Variants in A2M observed in about 807,000 individuals in gnomAD.
A2M encodes the protein alpha-2-macroglobulin.
In A2M, 128 loss-of-function variants were observed where a neutral mutation model predicts 183.9. The ratio of observed to expected loss-of-function variants is 0.70; its 90% CI spans 0.60 to 0.81. A2M has a LOEUF of 0.81. Ranked by LOEUF, A2M falls within the 30% of genes least tolerant of loss-of-function variation. The pLI, the probability that A2M is intolerant of heterozygous loss-of-function variation, is 0.00. For synonymous variants in A2M, 592 were observed against 670.8 expected (o/e 0.88, Z 1.81); for missense variants, 1,495 against 1,787.6 (o/e 0.84, Z 2.95).
chr12:9,080,687 A>T (rs1332560264), intron 22 of A2M, among the ~76,000 whole-genome samples: 3 of 152,244 alleles, frequency 2.0e-5, no homozygotes, highest in African/African-American at 7.2e-5. Context: ...AACCTAGAAA[A>T]TTGAGGGTAA....
At position 9,091,357 on chromosome 12, in the gene A2M, G is replaced by A. The variant is rs766378303; in HGVS notation, c.2313C>T (p.Cys771=). Residue 771 remains cysteine, a synonymous_variant, in exon 19 of 36, where the codon TGC becomes TGT. Transcript: ENST00000318602. ...TITEWKAGAF[C]LSEDAGLGIS... ...TACCAAGTCCAGCATCTTCAGACAG[G>A]CAGAAGGCCCCTGCCTTCCACTCGG... The A allele has an allele frequency of 4.3e-6, 7 of 1,614,202 alleles. No individual in the cohort carries two copies. The highest frequency in any genetic ancestry group is 5.9e-6 in the Non-Finnish European group (7 of 1,180,038).
chr12:9,110,923 G>A (rs896761453), intron 4 of A2M, among the ~76,000 whole-genome samples: 1 of 152,030 alleles, frequency 6.6e-6, no homozygotes, highest in Admixed American at 6.5e-5. Flanking sequence ...CATGTCTTAA[G>A]TGCTTATAGC....
chr12:9,115,982 C>T (rs1939093011), upstream of A2M: 1 of 747,302 alleles, frequency 1.3e-6, no homozygotes, highest in Non-Finnish European at 2.4e-6. Context: ...GTTCCACCCA[C>T]ACAAGATCTC....
intron 1 of A2M, 118 bp from the exon 2 acceptor site, chr12:9,113,661 T>A: frequency 1.9e-6 from 2 of 1,026,798 alleles, no homozygotes; most frequent in Middle Eastern, 3.1e-4. Context: ...GAAGATGTAC[T>A]GATGAGCATG....
chr12:9,102,422 C>A (rs1937943590), intron 11 of A2M, among the ~76,000 whole-genome samples: 1 of 152,044 alleles, frequency 6.6e-6, no homozygotes, highest in Non-Finnish European at 1.5e-5. Context: ...CACCACGTTG[C>A]CTAGGCTCGT....
chr12:9,084,325 T>C (rs1443594339), intron 22 of A2M, among the ~76,000 whole-genome samples: 1 of 152,166 alleles, frequency 6.6e-6, no homozygotes, highest in African/African-American at 2.4e-5. Context: ...TTTAAAGCAA[T>C]TTTATCTCTA....
chr12:9,109,436 T>C, intron 6 of A2M, 31 bp from the exon 7 acceptor site: 2 of 1,563,476 alleles, frequency 1.3e-6, no homozygotes, highest in South Asian at 1.1e-5. Flanking sequence ...AGGTTGGTGA[T>C]TGGTTTTCAA....
chr12:9,096,591 T>C (rs932998685), intron 15 of A2M, among the ~76,000 whole-genome samples: 3 of 152,220 alleles, frequency 2.0e-5, no homozygotes, highest in African/African-American at 7.2e-5. Context: ...CTAGGCATGA[T>C]GCTTTCAAGT....
At position 9,112,139 on chromosome 12, in the gene A2M, G is replaced by C; in HGVS notation, c.483+20C>G. On this transcript the variant is annotated intron_variant, in intron 4 of 35. Coordinates refer to ENST00000318602, the MANE Select transcript of A2M (RefSeq NM_000014.6). ...CTGTTTATACAGACAATCATTTTAT[G>C]TAGATAATAGAAAACTCACCAACTC... 1 of 1,612,408 alleles carries C rather than the reference G, an allele frequency of 6.2e-7. No homozygotes were observed. The highest frequency in any genetic ancestry group is 8.5e-7 in the Non-Finnish European group (1 of 1,178,658).
chr12:9,077,642 A>G (rs1236447775), intron 26 of A2M, 59 bp downstream of exon 26: 7 of 1,591,168 alleles, frequency 4.4e-6, no homozygotes, highest in Non-Finnish European at 6.0e-6. Flanking sequence ...ATCACTTCCT[A>G]TCCTCATCCT....
Position 9,106,226 on chromosome 12 carries a change from A to C in A2M, c.1104+10T>G, listed in dbSNP as rs200992743. ...ACATGGGTTGATGAGTGAACTGGAA[A>C]ATACTCCACCTGCCCAAAGAAGGGA... On this transcript the variant is annotated intron_variant, in intron 10 of 35. Transcript: ENST00000318602. 2.6e-6 allele frequency: 4 copies of C among 1,563,378 alleles called. No individual in the cohort carries two copies. In the African/African-American group the frequency reaches 5.4e-5, roughly 21 times the overall value.
intron 10 of A2M, 125 bp from the exon 11 acceptor site, chr12:9,104,525 C>T: frequency 1.0e-6 from 1 of 990,244 alleles, no homozygotes. Flanking sequence ...GAGGACACAG[C>T]AGTGAAAAAA....
Position 9,094,973 on chromosome 12 carries a change from C to A in A2M, c.2125G>T (p.Glu709Ter). Residue 709 changes from glutamate to a stop codon, truncating the protein, a stop_gained and splice_region_variant, in exon 17 of 36, where the codon GAG becomes TAG. Coordinates refer to ENST00000318602, the MANE Select transcript of A2M (RefSeq NM_000014.6). LOFTEE classifies it high-confidence loss of function. Reference sequence around the variant, plus strand: ...ATATATTTATTAATTTTTTGTTTACCATAAAAACCTACACGTAGACCTTCA... The same window carrying A: ...ATATATTTATTAATTTTTTGTTTACAATAAAAACCTACACGTAGACCTTCA... ...GPEGLRVGFYESDVMGRGHAR... is the reference protein window; with the variant it reads ...GPEGLRVGFY The A allele has an allele frequency of 2.7e-6, 4 of 1,497,190 alleles. No individual in the cohort carries two copies. Among genetic ancestry groups the A allele is most frequent in the South Asian group, 1.4e-5 (1 of 70,288 alleles). 92.7% of individuals were successfully genotyped at this position (1,497,190 alleles called of 1,614,324 possible).
At chr12:9,100,316 C>G (rs912979253) in intron 13 of A2M, among the ~76,000 whole-genome samples, 2 of 152,186 alleles carry the variant, frequency 1.3e-5, no homozygotes, top group African/African-American at 4.8e-5. Flanking sequence ...CATTCTCTAA[C>G]ACAATTCTCA....
In A2M at chr12:9,071,467, G is replaced by A. The variant is rs536520930; in HGVS notation, c.4104-889C>T. The stretch of plus-strand genomic sequence containing the variant: ...ATATACTTAACTTTTAGGTTCAGGC[G>A]TACACATGCAGGTTTGTTATATAGG... On this transcript the variant is annotated intron_variant, in intron 31 of 35. Transcript: ENST00000318602. Among the ~76,000 whole-genome samples the A allele has an allele frequency of 9.9e-5, 15 of 152,106 alleles. No individual in the cohort carries two copies. In the South Asian group the frequency reaches 2.1e-3, roughly 21 times the overall value.
intron 4 of A2M, among the ~76,000 whole-genome samples, chr12:9,110,560 G>C (rs1030084284): frequency 6.6e-6 from 1 of 151,654 alleles, no homozygotes; most frequent in Non-Finnish European, 1.5e-5. Context: ...GGCATGCAAT[G>C]CATGATAATA....
rs1236787269 is a variant in A2M, at chr12:9,091,239, T to C, written c.2431A>G (p.Lys811Glu). ...SVIRGEAFTLKATVLNYLPKC... is the reference protein window; with the variant it reads ...SVIRGEAFTLEATVLNYLPKC... ...GGAAGGTAGTTTAGGACCGTGGCCTTGAGTGTGAAGGCCTCTCCACGAATC... is the reference window on the plus strand; with the variant it reads ...GGAAGGTAGTTTAGGACCGTGGCCTCGAGTGTGAAGGCCTCTCCACGAATC... Residue 811 changes from lysine to glutamate, a missense_variant, in exon 19 of 36, where the codon AAG becomes GAG. Transcript: ENST00000318602. The C allele has an allele frequency of 6.2e-7, 1 of 1,614,074 alleles. No homozygotes were observed. Among genetic ancestry groups the C allele is most frequent in the African/African-American group, 1.3e-5 (1 of 74,924 alleles).
chr12:9,095,942 G>A (rs916870800), intron 15 of A2M, among the ~76,000 whole-genome samples: 4 of 151,030 alleles, frequency 2.6e-5, no homozygotes, highest in African/African-American at 9.7e-5. Flanking sequence ...TGTATTTTTA[G>A]TAGAGACGGG....
intron 28 of A2M, among the ~76,000 whole-genome samples, chr12:9,076,227 A>C (rs10842820): frequency 6.6e-6 from 1 of 152,036 alleles, no homozygotes; most frequent in African/African-American, 2.4e-5. Context: ...TGATATGTTA[A>C]TTGTAATAAC....
Sources: gnomAD v4.1 joint callset for allele counts (sites outside exome capture counted in the v4.1 genomes callset) on GRCh38, gnomAD v4.1.1 for gene constraint, MANE v1.5 for transcripts, NCBI Gene and HGNC (gene_info 2026-07-23, HGNC 2026-07-21) for gene names.